NCALD: variants seen among roughly 807,000 people sequenced by gnomAD.
The protein encoded by NCALD is neurocalcin-delta.
NCALD carries 10 observed loss-of-function variants against 18.6 expected under a neutral mutation model. That is an observed-to-expected ratio of 0.54 (90% confidence interval 0.33 to 0.91). The LOEUF is 0.91. Ranked by LOEUF, NCALD falls within the 40% of genes least tolerant of loss-of-function variation. The pLI, the probability that NCALD is intolerant of heterozygous loss-of-function variation, is 0.03. For missense variants in NCALD, 184 were observed against 247.6 expected, an observed-to-expected ratio of 0.74 and a Z score of 1.72; for synonymous variants, 88 against 87.4, an observed-to-expected ratio of 1.01 and a Z score of -0.04.
chr8:101,708,163 G>A (rs932111417), intron 2 of NCALD, among the ~76,000 whole-genome samples: 9 of 152,130 alleles, frequency 5.9e-5, no homozygotes, highest in African/African-American at 1.9e-4. Context: ...AGATCAATAA[G>A]GTTTGGGGAA....
intron 3 of NCALD, among the ~76,000 whole-genome samples, chr8:101,905,628 C>A (rs765366242): frequency 1.3e-5 from 2 of 152,216 alleles, no homozygotes; most frequent in African/African-American, 4.8e-5. Flanking sequence ...CCCCTCCACA[C>A]ACCACTCAAT....
chr8:101,705,597 G>T (rs990148526), intron 2 of NCALD, among the ~76,000 whole-genome samples: 2 of 152,136 alleles, frequency 1.3e-5, no homozygotes, highest in Non-Finnish European at 2.9e-5. Flanking sequence ...CTGGAGTAGG[G>T]GTGGACAGGA....
chr8:102,018,586 T>A (rs1450083299), intron 2 of NCALD, among the ~76,000 whole-genome samples: 1 of 152,108 alleles, frequency 6.6e-6, no homozygotes, highest in Non-Finnish European at 1.5e-5. Context: ...GGGCTAGAGG[T>A]AGAGGGAGTA....
intron 2 of NCALD, among the ~76,000 whole-genome samples, chr8:101,939,604 A>G (rs1364987429): frequency 3.3e-5 from 5 of 151,742 alleles, no homozygotes; most frequent in African/African-American, 1.2e-4. Flanking sequence ...CTTTCTTCTT[A>G]GTAAAAAAAA....
intron 2 of NCALD, among the ~76,000 whole-genome samples, chr8:101,957,278 G>C (rs1272385): frequency 3.7e-5 from 4 of 108,692 alleles, no homozygotes; most frequent in African/African-American, 1.4e-4. Flanking sequence ...GTAGTAAAAA[G>C]AAAAGTTGGG....
intron 4 of NCALD, among the ~76,000 whole-genome samples, chr8:101,876,465 G>C (rs1320001784): frequency 1.5e-4 from 23 of 152,216 alleles, no homozygotes; most frequent in Non-Finnish European, 7.3e-5. Flanking sequence ...TATACTTGCT[G>C]GTAGTGAAAA....
chr8:101,724,415 C>A (rs1406067052), intron 1 of NCALD, among the ~76,000 whole-genome samples: 2 of 152,214 alleles, frequency 1.3e-5, no homozygotes, highest in East Asian at 3.8e-4. Flanking sequence ...TGGAAAAACA[C>A]TAGAATAAAA....
intron 1 of NCALD, among the ~76,000 whole-genome samples, chr8:102,047,594 C>T (rs1823292320): frequency 6.6e-6 from 1 of 152,118 alleles, no homozygotes. Context: ...TTTATTACTG[C>T]AGATCTGCAG....
intron 4 of NCALD, among the ~76,000 whole-genome samples, chr8:101,880,883 G>C (rs1027384619): frequency 3.9e-5 from 6 of 152,182 alleles, no homozygotes; most frequent in Non-Finnish European, 8.8e-5. Flanking sequence ...GCAAAGGGAG[G>C]TAATGGAGAT....
intron 2 of NCALD, among the ~76,000 whole-genome samples, chr8:101,918,521 C>T (rs73290530): frequency 0.047 from 7,165 of 151,884 alleles, 261 homozygotes; most frequent in African/African-American, 0.11. Context: ...AAAAGGCATC[C>T]GAATAGGAAA....
intron 1 of NCALD, among the ~76,000 whole-genome samples, chr8:101,722,749 T>C (rs984805493): frequency 6.6e-6 from 1 of 152,076 alleles, no homozygotes; most frequent in East Asian, 1.9e-4. Flanking sequence ...GAGACTGATC[T>C]GTGTGCAGCT....
At chr8:101,914,752 C>T (rs145630205) in intron 3 of NCALD, among the ~76,000 whole-genome samples, 6 of 152,108 alleles carry the variant, frequency 3.9e-5, no homozygotes, top group East Asian at 1.9e-4. Flanking sequence ...ACCATCATTG[C>T]GGATTTTTAT....
At chr8:101,695,622 G>C (rs1780893220) in intron 2 of NCALD, among the ~76,000 whole-genome samples, 1 of 152,040 alleles carries the variant, frequency 6.6e-6, no homozygotes, top group Non-Finnish European at 1.5e-5. Flanking sequence ...CCCTCCTCCA[G>C]GAAGCCTTCC....
intron 3 of NCALD, among the ~76,000 whole-genome samples, chr8:101,901,101 C>T (rs1241346866): frequency 1.3e-5 from 2 of 151,760 alleles, no homozygotes; most frequent in Non-Finnish European, 2.9e-5. Context: ...TATATAATAT[C>T]TCTCTCTGTC....
chr8:101,927,011 A>C (rs1437877439), intron 2 of NCALD, among the ~76,000 whole-genome samples: 1 of 152,198 alleles, frequency 6.6e-6, no homozygotes, highest in Non-Finnish European at 1.5e-5. Context: ...CTCTTCAATT[A>C]ACAGACACTG....
At chr8:101,723,747 T>G (rs949805592) in intron 1 of NCALD, among the ~76,000 whole-genome samples, 2 of 152,188 alleles carry the variant, frequency 1.3e-5, no homozygotes, top group Non-Finnish European at 2.9e-5. Context: ...ACAATTCAGA[T>G]AAGCCCACAA....
intron 1 of NCALD, among the ~76,000 whole-genome samples, chr8:102,117,596 C>T (rs576894122): frequency 2.2e-4 from 32 of 147,462 alleles, no homozygotes; most frequent in African/African-American, 7.8e-4. Flanking sequence ...CTGTCAACTC[C>T]GTTGGCACTT....
Position 101,688,663 on chromosome 8 carries a change from A to G in NCALD, c.*646T>C, listed in dbSNP as rs1385225755. On this transcript the variant is annotated 3_prime_UTR_variant, in exon 4 of 4. Transcript: ENST00000220931. ...TTGTGTTTAATTTCCAAAGACACGC[A>G]TATTAGCTCAACTAGTGTAAACCTG... The G allele has an allele frequency of 4.3e-6, 2 of 463,780 alleles. No individual in the cohort carries two copies. Among genetic ancestry groups the G allele is most frequent in the Admixed American group, 4.7e-5 (2 of 42,764 alleles). The allele number at this position is 463,780 out of a possible 1,614,324, so 28.7% of individuals were successfully genotyped here.
At chr8:102,016,908 ACAAT>A (rs957728303) in intron 2 of NCALD, among the ~76,000 whole-genome samples, 1 of 152,182 alleles carries the variant, frequency 6.6e-6, no homozygotes, top group African/African-American at 2.4e-5. Context: ...GGATGTGAGA[ACAAT>A]CAGAGACTTT....
Sources: allele counts gnomAD v4.1 joint callset (sites outside exome capture counted in the v4.1 genomes callset), GRCh38; gene constraint gnomAD v4.1.1; transcripts MANE v1.5; gene names NCBI Gene and HGNC (gene_info 2026-07-23, HGNC 2026-07-21).